Variants in MBNL1 observed in about 807,000 individuals in gnomAD.
MBNL1 encodes muscleblind like splicing regulator 1.
MBNL1 carries 8 observed loss-of-function variants against 42.2 expected under a neutral mutation model. The ratio of observed to expected loss-of-function variants is 0.19; its 90% CI spans 0.11 to 0.34. The LOEUF (loss-of-function observed/expected upper bound fraction) is 0.34, where lower values mean the gene tolerates loss of function less well. MBNL1 is among the 10% of genes least tolerant of loss of function. The probability of loss-of-function intolerance (pLI) is 1.00; values close to 1 mark genes in which losing one functional copy is unlikely to be tolerated. For synonymous variants in MBNL1, 169 were observed against 173.9 expected (o/e 0.97, Z 0.22); for missense variants, 309 against 495.3 (o/e 0.62, Z 3.57).
In MBNL1 at chr3:152,455,744, T is replaced by G. The variant is rs181657891; in HGVS notation, c.997+167T>G. On this transcript the variant is annotated intron_variant, in intron 7 of 9. Coordinates refer to ENST00000324210, the MANE Select transcript of MBNL1 (RefSeq NM_021038.5). Reference sequence around the variant, plus strand: ...TCTGTTTAATTGACATGGACTCACATAAGTGTTTTCTTTACACACAACAGT... The same window carrying G: ...TCTGTTTAATTGACATGGACTCACAGAAGTGTTTTCTTTACACACAACAGT... 1.2e-4 allele frequency among the ~76,000 whole-genome samples: 19 copies of G among 152,352 alleles called. 1 individual carries two copies. In the East Asian group the frequency reaches 3.7e-3, roughly 29 times the overall value.
At chr3:152,286,811 T>C (rs1365240648) in intron 1 of MBNL1, among the ~76,000 whole-genome samples, 1 of 152,092 alleles carries the variant, frequency 6.6e-6, no homozygotes, top group East Asian at 1.9e-4. Context: ...TTGTCCAATG[T>C]ATTCCTTTAA....
intron 2 of MBNL1, among the ~76,000 whole-genome samples, chr3:152,334,708 A>G (rs1198241726): frequency 6.6e-6 from 1 of 152,232 alleles, no homozygotes; most frequent in African/African-American, 2.4e-5. Context: ...TCTTTCATTA[A>G]CAGGAAATTT....
rs1156405828 is a variant in MBNL1, at chr3:152,332,689, GTT to G, written c.174+32325_174+32326del. 3.5e-3 allele frequency among the ~76,000 whole-genome samples: 427 copies of G among 122,368 alleles called. 2 individuals carry two copies. The highest frequency in any genetic ancestry group is 0.012 in the Middle Eastern group (3 of 242). 80.3% of individuals were successfully genotyped at this position (122,368 alleles called of 152,430 possible). Reference sequence around the variant, plus strand: ...GTATTTTCTCTTTGAAGTTTTCATGGTTTTGTGTGTGTGTGTGTGTGTGTGTG... The same window carrying G: ...GTATTTTCTCTTTGAAGTTTTCATGGTTGTGTGTGTGTGTGTGTGTGTGTG... On this transcript the variant is annotated intron_variant, in intron 2 of 9. Transcript: ENST00000324210.
chr3:152,340,797 G>C, intron 2 of MBNL1: 1 of 1,614,008 alleles, frequency 6.2e-7, no homozygotes, highest in Non-Finnish European at 8.5e-7. Context: ...AAGGGGACTG[G>C]ACAGAACCTA....
chr3:152,306,915 A>G (rs1424085864), intron 2 of MBNL1, among the ~76,000 whole-genome samples: 1 of 152,216 alleles, frequency 6.6e-6, no homozygotes, highest in Non-Finnish European at 1.5e-5. Flanking sequence ...AAAACCTGGC[A>G]TATCACAAAT....
chr3:152,304,454 T>G (rs575222304), intron 2 of MBNL1, among the ~76,000 whole-genome samples: 117 of 152,346 alleles, frequency 7.7e-4, no homozygotes, highest in African/African-American at 2.7e-3. Flanking sequence ...AATTTTCAAT[T>G]AAAATTTTGA....
chr3:152,451,515 T>C (rs1359324079), intron 6 of MBNL1, among the ~76,000 whole-genome samples: 1 of 152,178 alleles, frequency 6.6e-6, no homozygotes, highest in Non-Finnish European at 1.5e-5. Flanking sequence ...CATCTTTCCA[T>C]TTATTCAGTC....
At chr3:152,269,335 A>ACGGCACAGCCCGCGCACGGCTTGG (rs1406743672) in intron 1 of MBNL1, 1 of 350,984 alleles carries the variant, frequency 2.8e-6, no homozygotes. Context: ...GGACGCTGTC[A>ACGGCACAGCCCGCGCACGGCTTGG]CGGCACAGCC....
intron 2 of MBNL1, among the ~76,000 whole-genome samples, chr3:152,365,208 G>A (rs751580888): frequency 2.6e-5 from 4 of 151,932 alleles, no homozygotes; most frequent in Non-Finnish European, 5.9e-5. Flanking sequence ...GTCCAAAAAC[G>A]CTTGTCAGTT....
chr3:152,298,458 C>T (rs1183401543), intron 1 of MBNL1, among the ~76,000 whole-genome samples: 1 of 152,210 alleles, frequency 6.6e-6, no homozygotes, highest in Non-Finnish European at 1.5e-5. Context: ...AAGTGCATCA[C>T]GCTGCTCAAA....
chr3:152,408,927 G>A (rs1055808047), intron 2 of MBNL1, among the ~76,000 whole-genome samples: 3 of 152,326 alleles, frequency 2.0e-5, no homozygotes, highest in South Asian at 2.1e-4. Context: ...AGCCCAAAAT[G>A]TCAGTAGTGC....
intron 6 of MBNL1, among the ~76,000 whole-genome samples, chr3:152,452,703 C>A (rs1314111278): frequency 6.6e-6 from 1 of 152,160 alleles, no homozygotes; most frequent in East Asian, 1.9e-4. Context: ...CCACTTCAAT[C>A]TTGAGGAATT....
chr3:152,419,006 A>C (rs1385404086), intron 3 of MBNL1, among the ~76,000 whole-genome samples: 5 of 152,140 alleles, frequency 3.3e-5, no homozygotes, highest in Admixed American at 6.5e-5. Context: ...GTGAGCCATC[A>C]TGCCCAGCCG....
chr3:152,354,380 A>G (rs979747175), intron 2 of MBNL1, among the ~76,000 whole-genome samples: 1 of 152,174 alleles, frequency 6.6e-6, no homozygotes, highest in Non-Finnish European at 1.5e-5. Context: ...ACTTGATGCC[A>G]TGAGGTGGAG....
chr3:152,430,595 C>A (rs2098993501), intron 3 of MBNL1, among the ~76,000 whole-genome samples: 1 of 152,184 alleles, frequency 6.6e-6, no homozygotes, highest in South Asian at 2.1e-4. Flanking sequence ...TAACAAAGTA[C>A]AAGTTTAACC....
At chr3:152,377,650 A>T (rs1016773895) in intron 2 of MBNL1, among the ~76,000 whole-genome samples, 1 of 152,198 alleles carries the variant, frequency 6.6e-6, no homozygotes, top group African/African-American at 2.4e-5. Flanking sequence ...ACACATTAAC[A>T]TATTTGGAGG....
chr3:152,315,617 A>G (rs2070406185), intron 2 of MBNL1, among the ~76,000 whole-genome samples: 2 of 152,168 alleles, frequency 1.3e-5, no homozygotes, highest in African/African-American at 2.4e-5. Context: ...TGAATTTTCT[A>G]AGCTTTAGAC....
intron 2 of MBNL1, among the ~76,000 whole-genome samples, chr3:152,250,069 T>C (rs1264122527): frequency 6.6e-6 from 1 of 151,984 alleles, no homozygotes; most frequent in Non-Finnish European, 1.5e-5. Context: ...TCCAGCTTTG[T>C]TCTTTTGGCT....
intron 1 of MBNL1, chr3:152,269,296 C>T (rs1255887460): frequency 2.8e-6 from 1 of 352,500 alleles, no homozygotes; most frequent in African/African-American, 2.2e-5. Flanking sequence ...CGCAGCCGCT[C>T]CTGCGCCCTT....
Sources: allele counts gnomAD v4.1 joint callset (sites outside exome capture counted in the v4.1 genomes callset), GRCh38; gene constraint gnomAD v4.1.1; transcripts MANE v1.5; gene names NCBI Gene and HGNC (gene_info 2026-07-23, HGNC 2026-07-21).